GANC: variants seen among roughly 807,000 people sequenced by gnomAD.
GANC encodes the protein glucosidase alpha, neutral C, also known as neutral alpha-glucosidase C.
Under a neutral mutation model 124.2 loss-of-function variants are expected in GANC, and 117 were observed. That is an observed-to-expected ratio of 0.94 (90% CI 0.81 to 1.10). GANC has a LOEUF of 1.10. Among genes scored for constraint, GANC ranks in the 50% least tolerant of loss-of-function variants. The probability of loss-of-function intolerance (pLI) is 0.00; values close to 1 mark genes in which losing one functional copy is unlikely to be tolerated. For missense variants in GANC, 1,140 were observed against 1,095.0 expected (o/e 1.04, Z -0.58); for synonymous variants, 377 against 376.8 (o/e 1.00, Z -0.01).
chr15:42,348,829 G>GT (rs923419368), intron 21 of GANC, among the ~76,000 whole-genome samples: 2 of 151,912 alleles, frequency 1.3e-5, no homozygotes, highest in South Asian at 2.1e-4. Flanking sequence ...CAGTTGTAGG[G>GT]TTTTTTTTCC....
At position 42,308,112 on chromosome 15, in the gene GANC, C is replaced by T; in HGVS notation, c.626-110C>T. The stretch of plus-strand genomic sequence containing the variant: ...CATTTGCTAATTGATCTAGGTGAGC[C>T]CAGGTCTCTCAGCCTTTAGTCTAGT... On this transcript the variant is annotated intron_variant, in intron 7 of 23. Transcript: ENST00000318010. 3.2e-6 allele frequency: 2 copies of T among 615,638 alleles called. 1 individual carries two copies. The highest frequency in any genetic ancestry group is 5.1e-5 in the East Asian group (2 of 38,928). The allele number at this position is 615,638 out of a possible 1,614,324, so 38.1% of individuals were successfully genotyped here. A position where few individuals can be genotyped will look rare whatever the true frequency, so the allele number is the denominator to read the frequency against.
At chr15:42,281,019 G>T (rs1321577952) in intron 3 of GANC, 2 of 702,538 alleles carry the variant, frequency 2.8e-6, no homozygotes, top group Middle Eastern at 4.6e-4. Flanking sequence ...ACAGCACCTG[G>T]CTCAAAAGGA....
rs773445285 is a variant in GANC, at chr15:42,339,908, A to G, written c.2083A>G (p.Met695Val). Residue 695 changes from methionine (M) to valine (V), a missense_variant, in exon 17 of 24, where the codon ATG becomes GTG. Physicochemically the swap from Met to Val is conservative, Grantham distance 21. Transcript: ENST00000318010. ...TGCACACGTGGCTTCCCAACCTGTC[A>G]TGAGGTAAAAAAGCTTCATCCATTC... ...YHAHVASQPV[M>V]RPLWVEFPDE... 11 of 1,612,386 alleles carry G rather than the reference A, an allele frequency of 6.8e-6. No homozygotes were observed. Among genetic ancestry groups the G allele is most frequent in the Admixed American group, 1.7e-5 (1 of 59,854 alleles).
intron 3 of GANC, chr15:42,284,042 T>G (rs542344065): frequency 2.9e-6 from 2 of 700,728 alleles, no homozygotes; most frequent in East Asian, 5.4e-5. Flanking sequence ...GAGGTCTTGA[T>G]CACAGCTGGT....
intron 15 of GANC, among the ~76,000 whole-genome samples, chr15:42,337,965 G>A (rs2052296011): frequency 6.6e-6 from 1 of 152,062 alleles, no homozygotes; most frequent in African/African-American, 2.4e-5. Flanking sequence ...GGAGGCTGAG[G>A]CAGGAGACTC....
At chr15:42,275,068 A>G (rs2051649381) in intron 1 of GANC, among the ~76,000 whole-genome samples, 1 of 152,060 alleles carries the variant, frequency 6.6e-6, no homozygotes, top group African/African-American at 2.4e-5. Flanking sequence ...AGATTCTCCA[A>G]TCTTTGTACA....
At position 42,329,445 on chromosome 15, in the gene GANC, A is replaced by G. The variant is rs984369872; in HGVS notation, c.1640A>G (p.Tyr547Cys). ...HRELHNIYGF[Y>C]HQMATAEGLI... ...GAGCTCCACAACATCTACGGTTTTT[A>G]TCATGTAAGACATCCAAAAAGAATT... Residue 547 changes from tyrosine to cysteine, a missense_variant, in exon 14 of 24, where the codon TAT becomes TGT. Tyr to Cys is a radical substitution (Grantham distance 194). Transcript: ENST00000318010. 1 of 1,608,014 alleles carries G rather than the reference A, an allele frequency of 6.2e-7. No homozygotes were observed. The highest frequency in any genetic ancestry group is 1.3e-5 in the African/African-American group (1 of 74,632).
Position 42,274,216 on chromosome 15 carries a change from A to T in GANC, c.-266A>T. 1 of 454,958 alleles carries T rather than the reference A, an allele frequency of 2.2e-6. No individual in the cohort carries two copies. Among genetic ancestry groups the T allele is most frequent in the South Asian group, 2.3e-5 (1 of 44,038 alleles). 28.2% of individuals were successfully genotyped at this position (454,958 alleles called of 1,614,324 possible). A position where few individuals can be genotyped will look rare whatever the true frequency, so the allele number is the denominator to read the frequency against. The stretch of plus-strand genomic sequence containing the variant: ...CCGCCGCCCAGTTTCGGTTCCTAAC[A>T]AAAGCACGTTCCTCATCAGCCACCC... On this transcript the variant is annotated 5_prime_UTR_variant, in exon 1 of 24. Transcript: ENST00000318010.
rs113599039 is a variant in GANC, at chr15:42,333,025, T to A, written c.1741+2353T>A. Among the ~76,000 whole-genome samples the A allele has an allele frequency of 8.4e-3, 1,109 of 131,650 alleles. 13 individuals carry two copies. The highest frequency in any genetic ancestry group is 0.027 in the African/African-American group (1,025 of 38,132). The allele number at this position is 131,650 out of a possible 152,430, so 86.4% of individuals were successfully genotyped here. A position where few individuals can be genotyped will look rare whatever the true frequency, so the allele number is the denominator to read the frequency against. ...AAGAGCAAAACTCTGTCTCAAAAAA[T>A]ATATATATATATATTTTTTTTGGTC... On this transcript the variant is annotated intron_variant, in intron 15 of 23. Transcript: ENST00000318010.
In GANC at chr15:42,352,991, A is replaced by G. The variant is rs945204154; in HGVS notation, c.*852A>G. On this transcript the variant is annotated 3_prime_UTR_variant, in exon 24 of 24. Coordinates refer to ENST00000318010, the MANE Select transcript of GANC (RefSeq NM_198141.3). The stretch of plus-strand genomic sequence containing the variant: ...AGTAATCAAAGTAAGTAATATTTCA[A>G]TCCAATATTTTTAAAAATCAGAATT... 1.5e-6 allele frequency: 1 copy of G among 670,258 alleles called. No individual in the cohort carries two copies. Among genetic ancestry groups the G allele is most frequent in the Non-Finnish European group, 1.8e-6 (1 of 542,014 alleles). 41.5% of individuals were successfully genotyped at this position (670,258 alleles called of 1,614,324 possible). A position where few individuals can be genotyped will look rare whatever the true frequency, so the allele number is the denominator to read the frequency against.
chr15:42,295,770 C>A (rs2051885919), intron 5 of GANC, among the ~76,000 whole-genome samples: 1 of 151,956 alleles, frequency 6.6e-6, no homozygotes, highest in African/African-American at 2.4e-5. Context: ...TCCATCCTAA[C>A]AATGACTAAA....
intron 3 of GANC, among the ~76,000 whole-genome samples, chr15:42,282,875 C>A (rs1177810133): frequency 6.6e-6 from 1 of 152,188 alleles, no homozygotes; most frequent in African/African-American, 2.4e-5. Context: ...TGAGGGCTCT[C>A]TTCTTGGTTT....
Position 42,287,720 on chromosome 15 carries a change from A to T in GANC, c.231A>T (p.Ile77=), listed in dbSNP as rs771905470. Residue 77 remains isoleucine (I), a synonymous_variant, in exon 4 of 24, where the codon ATA becomes ATT. Transcript: ENST00000318010. ...CTCTCCTGGCTGAAATTTATGGTAT[A>T]GAAGGAAACATTTTCAGGCTTAAAA... ...KVPLLAEIYG[I]EGNIFRLKIN... is the part of the protein sequence containing the mutation. 1.9e-6 allele frequency: 3 copies of T among 1,612,846 alleles called. No homozygotes were observed. The highest frequency in any genetic ancestry group is 1.7e-6 in the Non-Finnish European group (2 of 1,179,380).
chr15:42,288,800 C>T (rs1342794249), intron 4 of GANC, among the ~76,000 whole-genome samples: 4 of 152,082 alleles, frequency 2.6e-5, no homozygotes, highest in African/African-American at 4.8e-5. Flanking sequence ...TTGGGGTTAT[C>T]GGCATGAGCC....
chr15:42,351,923 G>A, intron 23 of GANC, 107 bp from the exon 24 acceptor site: 1 of 1,386,024 alleles, frequency 7.2e-7, no homozygotes. Flanking sequence ...TTGGAGTGGG[G>A]TATAAGGTTT....
At position 42,327,343 on chromosome 15, in the gene GANC, C is replaced by G. The variant is rs1240050195; in HGVS notation, c.1421-20C>G. On this transcript the variant is annotated intron_variant, in intron 12 of 23. Transcript: ENST00000318010. ...AGGACCACTGTTCTTGACAGGCTAT[C>G]TACTGTTCTGCCTCCACAGGTCTCT... 6.3e-7 allele frequency: 1 copy of G among 1,589,744 alleles called. No individual in the cohort carries two copies. Among genetic ancestry groups the G allele is most frequent in the Non-Finnish European group, 8.6e-7 (1 of 1,159,804 alleles).
At chr15:42,349,188 A>G (rs576630743) in intron 21 of GANC, among the ~76,000 whole-genome samples, 195 bp from the exon 22 acceptor site, 22 of 152,264 alleles carry the variant, frequency 1.4e-4, no homozygotes, top group African/African-American at 5.1e-4. Context: ...TGCTCCTCTT[A>G]TGTGACTTTC....
Position 42,352,153 on chromosome 15 carries a change from C to CT in GANC, c.*15dup, listed in dbSNP as rs769871331. The CT allele has an allele frequency of 6.2e-7, 1 of 1,614,098 alleles. No individual in the cohort carries two copies. The highest frequency in any genetic ancestry group is 8.5e-7 in the Non-Finnish European group (1 of 1,179,976). ...CGCATCATATGACAAAGAACTGCCC[C>CT]TGGTGATGTGAGCAGGGACCTGCCT... On this transcript the variant is annotated 3_prime_UTR_variant, in exon 24 of 24. Transcript: ENST00000318010.
chr15:42,311,076 C>T (rs1371329434), intron 10 of GANC, among the ~76,000 whole-genome samples: 1 of 152,228 alleles, frequency 6.6e-6, no homozygotes, highest in African/African-American at 2.4e-5. Context: ...CATCTGCTTT[C>T]CTTGAAGCTT....
Sources: allele counts gnomAD v4.1 joint callset (sites outside exome capture counted in the v4.1 genomes callset), GRCh38; gene constraint gnomAD v4.1.1; transcripts MANE v1.5; gene names NCBI Gene and HGNC (gene_info 2026-07-23, HGNC 2026-07-21).